Variants in DLG2 observed in about 807,000 individuals in gnomAD.
The protein encoded by DLG2 is disks large homolog 2.
DLG2 carries 45 observed loss-of-function variants against 132.5 expected under a neutral mutation model. The ratio of observed to expected loss-of-function variants is 0.34; its 90% CI spans 0.27 to 0.44. The LOEUF (loss-of-function observed/expected upper bound fraction) is 0.44, where lower values mean the gene tolerates loss of function less well. Ranked by LOEUF, DLG2 falls within the 20% of genes least tolerant of loss-of-function variation. The pLI is 1.00. For synonymous variants in DLG2, 424 were observed against 419.6 expected (o/e 1.01, Z -0.13); for missense variants, 1,045 against 1,196.9 (o/e 0.87, Z 1.87).
chr11:85,343,711 A>G (rs2082651873), intron 3 of DLG2, among the ~76,000 whole-genome samples: 1 of 152,150 alleles, frequency 6.6e-6, no homozygotes, highest in Non-Finnish European at 1.5e-5. Flanking sequence ...ATTTGAAAGT[A>G]CAAAAAGAGA....
chr11:84,580,167 T>C (rs1202600534), intron 6 of DLG2, among the ~76,000 whole-genome samples: 1 of 152,206 alleles, frequency 6.6e-6, no homozygotes, highest in Non-Finnish European at 1.5e-5. Flanking sequence ...AAGTGTGTAT[T>C]ACCTAATGGA....
chr11:84,083,945 G>C (rs2096938001), intron 10 of DLG2, among the ~76,000 whole-genome samples: 1 of 152,054 alleles, frequency 6.6e-6, no homozygotes, highest in Non-Finnish European at 1.5e-5. Context: ...TTCATGGAAA[G>C]TCTACAAGAT....
intron 6 of DLG2, among the ~76,000 whole-genome samples, chr11:84,834,822 A>T (rs2079520001): frequency 6.6e-6 from 1 of 150,704 alleles, no homozygotes; most frequent in Non-Finnish European, 1.5e-5. Context: ...CAACAAAAGG[A>T]TTAAATATCA....
chr11:83,675,214 T>G (rs1276602601), intron 18 of DLG2, among the ~76,000 whole-genome samples: 1 of 152,360 alleles, frequency 6.6e-6, no homozygotes, highest in Admixed American at 6.5e-5. Context: ...GCTGAAGAAC[T>G]TATAAATTAT....
At position 85,579,139 on chromosome 11, in the gene DLG2, A is replaced by C. The variant is rs1468922617; in HGVS notation, c.40+19518T>G. 5.3e-5 allele frequency among the ~76,000 whole-genome samples: 8 copies of C among 152,180 alleles called. No individual in the cohort carries two copies. In the South Asian group the frequency reaches 8.3e-4, roughly 16 times the overall value. ...TTAGCAAACTAATGCAGGAACAGAA[A>C]ACCAAATATTGCATGTTCTCACTTA... On this transcript the variant is annotated intron_variant, in intron 3 of 27. Transcript: ENST00000376104.
Position 84,631,580 on chromosome 11 carries a change from A to T in DLG2, c.358-96849T>A, listed in dbSNP as rs572780797. On this transcript the variant is annotated intron_variant, in intron 6 of 27. Coordinates refer to ENST00000376104, the MANE Select transcript of DLG2 (RefSeq NM_001142699.3). ...GAGATGACAGTGTAGGGAACCAGGG[A>T]AACTTGGAACTTCAAAATGTCCTAG... is the stretch of plus-strand genomic sequence containing the variant. Among the ~76,000 whole-genome samples, 5 of 151,470 alleles carry T rather than the reference A, an allele frequency of 3.3e-5. 1 individual carries two copies. The South Asian group carries it at 1.0e-3, about 32-fold the overall frequency.
At chr11:83,515,925 G>A (rs2095276326) in intron 21 of DLG2, among the ~76,000 whole-genome samples, 1 of 152,214 alleles carries the variant, frequency 6.6e-6, no homozygotes, top group Non-Finnish European at 1.5e-5. Flanking sequence ...TACATTTGCT[G>A]AGGAGTGCTT....
chr11:84,738,799 T>C (rs1030607952), intron 6 of DLG2, among the ~76,000 whole-genome samples: 1 of 152,184 alleles, frequency 6.6e-6, no homozygotes, highest in African/African-American at 2.4e-5. Context: ...AATGAAAACA[T>C]ATGTCTACAC....
At chr11:84,083,049 G>T (rs1332356233) in intron 10 of DLG2, among the ~76,000 whole-genome samples, 2 of 152,158 alleles carry the variant, frequency 1.3e-5, no homozygotes, top group African/African-American at 4.8e-5. Flanking sequence ...GGAGGCCAAG[G>T]CGGGTAGATC....
intron 6 of DLG2, among the ~76,000 whole-genome samples, chr11:84,939,713 T>C (rs1431936517): frequency 3.3e-5 from 5 of 152,220 alleles, no homozygotes; most frequent in African/African-American, 9.6e-5. Flanking sequence ...CTGAACATAA[T>C]GTTCTCCAGT....
intron 3 of DLG2, among the ~76,000 whole-genome samples, chr11:85,561,444 TCCTACCAGTATTA>T (rs2077241582): frequency 6.7e-6 from 1 of 149,452 alleles, no homozygotes; most frequent in South Asian, 2.2e-4. Context: ...ACCCTGCACT[TCCTACCAGTATTA>T]CAAAAGGGAA....
At chr11:85,000,998 T>C (rs557645001) in intron 6 of DLG2, among the ~76,000 whole-genome samples, 5 of 152,240 alleles carry the variant, frequency 3.3e-5, no homozygotes, top group Middle Eastern at 3.4e-3. Context: ...TCTGGTTTAA[T>C]AGAAAAGAAC....
intron 2 of DLG2, among the ~76,000 whole-genome samples, chr11:85,619,846 A>T (rs1393555891): frequency 6.6e-6 from 1 of 151,968 alleles, no homozygotes; most frequent in Non-Finnish European, 1.5e-5. Context: ...AAAAAAAAAG[A>T]CAAGCTCTCC....
chr11:84,016,262 C>A (rs2095177497), intron 11 of DLG2, among the ~76,000 whole-genome samples: 1 of 151,968 alleles, frequency 6.6e-6, no homozygotes, highest in South Asian at 2.1e-4. Flanking sequence ...AAGTTCCTTA[C>A]AGATACTGGA....
intron 16 of DLG2, among the ~76,000 whole-genome samples, chr11:83,836,615 A>C (rs1233779618): frequency 6.6e-6 from 1 of 152,148 alleles, no homozygotes; most frequent in Non-Finnish European, 1.5e-5. Context: ...TAGTAACCTT[A>C]ATTACTTGCA....
At chr11:84,723,441 G>T (rs554286418) in intron 6 of DLG2, among the ~76,000 whole-genome samples, 1 of 152,204 alleles carries the variant, frequency 6.6e-6, no homozygotes, top group South Asian at 2.1e-4. Flanking sequence ...GTATGTGCAT[G>T]TGTATGTGTT....
chr11:85,171,475 T>G (rs1214294535), intron 4 of DLG2, among the ~76,000 whole-genome samples: 1 of 152,118 alleles, frequency 6.6e-6, no homozygotes, highest in East Asian at 1.9e-4. Context: ...GTGTGGAAAC[T>G]CCACATAATG....
In DLG2 at chr11:84,607,479, G is replaced by A. The variant is rs550467669; in HGVS notation, c.358-72748C>T. Among the ~76,000 whole-genome samples the A allele has an allele frequency of 1.7e-4, 26 of 152,196 alleles. 1 individual carries two copies. The South Asian group carries it at 4.1e-3, about 24-fold the overall frequency. ...TAAGATTTTTGGGGGGGCAGGGAGAGCAGACCAGTAAATGTCATTTCTGCA... is the reference window on the plus strand; with the variant it reads ...TAAGATTTTTGGGGGGGCAGGGAGAACAGACCAGTAAATGTCATTTCTGCA... On this transcript the variant is annotated intron_variant, in intron 6 of 27. Transcript: ENST00000376104.
chr11:85,538,158 A>C (rs746447911), intron 3 of DLG2, among the ~76,000 whole-genome samples: 1 of 151,648 alleles, frequency 6.6e-6, no homozygotes, highest in Non-Finnish European at 1.5e-5. Flanking sequence ...GAACTGTAAC[A>C]CTCACTGTGA....
Sources: allele counts gnomAD v4.1 joint callset (sites outside exome capture counted in the v4.1 genomes callset), GRCh38; gene constraint gnomAD v4.1.1; transcripts MANE v1.5; gene names NCBI Gene and HGNC (gene_info 2026-07-23, HGNC 2026-07-21).